BOD1L1: variants seen among roughly 807,000 people sequenced by gnomAD.
BOD1L1 encodes biorientation of chromosomes in cell division 1 like 1, also known as biorientation of chromosomes in cell division protein 1-like 1.
In BOD1L1, 86 loss-of-function variants were observed where a neutral mutation model predicts 240.7. The observed-to-expected ratio is 0.36, with a 90% CI of 0.30 to 0.43. The LOEUF (loss-of-function observed/expected upper bound fraction) is 0.43. BOD1L1 is among the 20% of genes least tolerant of loss of function. The pLI is 1.00. For missense variants in BOD1L1, 3,554 were observed against 3,643.5 expected (o/e 0.98, Z 0.63); for synonymous variants, 1,268 against 1,272.3 (o/e 1.00, Z 0.07).
In BOD1L1 at chr4:13,599,441, C is replaced by T. The variant is rs766209160; in HGVS notation, c.7459G>A (p.Ala2487Thr). Residue 2487 changes from alanine (A) to threonine (T), a missense_variant, in exon 10 of 26, where the codon GCA becomes ACA. Ala to Thr is a moderately conservative substitution (Grantham distance 58). Around this residue, in one of 2 missense-constraint regions of BOD1L1, gnomAD observed 3,393 missense variants for 3,427.1 expected, o/e 0.99. Coordinates refer to ENST00000040738, the MANE Select transcript of BOD1L1 (RefSeq NM_148894.3). ...ETGTAGGSSTASYSAGRGLEG... is the reference protein window; with the variant it reads ...ETGTAGGSSTTSYSAGRGLEG... ...AAGCCCCTTCCTGCTGAATAACTTG[C>T]TGTGCTACTGCCCCCTGCTGTCCCT... 5.0e-6 allele frequency: 8 copies of T among 1,613,902 alleles called. No individual in the cohort carries two copies. The African/African-American group carries it at 8.0e-5, about 16-fold the overall frequency.
chr4:13,580,532 C>T (rs948688859), intron 21 of BOD1L1, among the ~76,000 whole-genome samples: 3 of 152,082 alleles, frequency 2.0e-5, no homozygotes, highest in Admixed American at 6.6e-5. Flanking sequence ...GAAATGCATG[C>T]GATGGAATCC....
chr4:13,573,359 G>C (rs1295413223), intron 25 of BOD1L1, among the ~76,000 whole-genome samples: 2 of 152,116 alleles, frequency 1.3e-5, no homozygotes, highest in African/African-American at 4.8e-5. Flanking sequence ...AAATAAGGTA[G>C]AACAGTCCTC....
intron 21 of BOD1L1, among the ~76,000 whole-genome samples, chr4:13,580,353 C>G (rs765773627): frequency 6.6e-6 from 1 of 152,152 alleles, no homozygotes; most frequent in Non-Finnish European, 1.5e-5. Context: ...ACTTCACATT[C>G]AAGGAAACTG....
At chr4:13,620,823 C>T (rs1716983705) in intron 1 of BOD1L1, among the ~76,000 whole-genome samples, 1 of 152,088 alleles carries the variant, frequency 6.6e-6, no homozygotes, top group Non-Finnish European at 1.5e-5. Context: ...GGCATAGACC[C>T]AAGAGAAATT....
At position 13,613,652 on chromosome 4, in the gene BOD1L1, A is replaced by C. The variant is rs183527599; in HGVS notation, c.1184T>G (p.Leu395Trp). ...TVEGTKEDFSLIDSDVDGLTD... is the reference protein window; with the variant it reads ...TVEGTKEDFSWIDSDVDGLTD... ...AAGTCCATCCACATCAGAATCTATC[A>C]AAGAGAAATCTTCAAGCGGAAAATA... The change falls in exon 5 of 26, where the codon TTG (leucine) becomes TGG (tryptophan). Residue 395 changes from leucine (L) to tryptophan (W), a missense_variant. Transcript: ENST00000040738. This position sits in a 1 kb window ranked among gnomAD's most constrained non-coding sequence, Gnocchi z 4.0. The C allele has an allele frequency of 1.3e-6, 2 of 1,540,008 alleles. No homozygotes were observed. Among genetic ancestry groups the C allele is most frequent in the East Asian group, 2.3e-5 (1 of 43,978 alleles).
rs769220070 is a variant in BOD1L1 at position 13,610,950 on chromosome 4, T to C, written c.1475A>G (p.Gln492Arg). The change falls in exon 6 of 26, where the codon CAA (glutamine) becomes CGA (arginine). Residue 492 changes from glutamine to arginine, a missense_variant. Gln to Arg is a conservative substitution (Grantham distance 43). Around this residue, in one of 2 missense-constraint regions of BOD1L1, gnomAD observed 3,393 missense variants for 3,427.1 expected, o/e 0.99. Transcript: ENST00000040738. The stretch of plus-strand genomic sequence containing the variant: ...TGGACTTACAATGGACTGTCGTCGT[T>C]GTTCTACAGTAAGCTCATCATCAGA... ...SDSDDELTVE[Q>R]RRQSIAKEKE... The C allele has an allele frequency of 8.1e-6, 13 of 1,604,454 alleles. No individual in the cohort carries two copies. The highest frequency in any genetic ancestry group is 1.7e-4 in the Middle Eastern group (1 of 6,012).
chr4:13,599,672 C>T lies in BOD1L1; in HGVS notation c.7228G>A (p.Gly2410Arg), dbSNP rs756580766. Residue 2410 changes from glycine to arginine, a missense_variant, in exon 10 of 26, where the codon GGG becomes AGG. Around this residue, in one of 2 missense-constraint regions of BOD1L1, gnomAD observed 3,393 missense variants for 3,427.1 expected, o/e 0.99. Coordinates refer to ENST00000040738, the MANE Select transcript of BOD1L1 (RefSeq NM_148894.3). ...GCAGAGGGCTTGTGGACTGATGGCC[C>T]GTTGTGCCCCTCCTCGGTGCTCACT... is the stretch of plus-strand genomic sequence containing the variant. ...LAVSTEEGHN[G>R]PSVHKPSAGQ... The T allele has an allele frequency of 1.5e-5, 25 of 1,613,816 alleles. No individual in the cohort carries two copies. The highest frequency in any genetic ancestry group is 9.3e-5 in the African/African-American group (7 of 74,918).
Position 13,599,118 on chromosome 4 carries a change from C to G in BOD1L1, c.7782G>C (p.Leu2594=), listed in dbSNP as rs1714856663. Residue 2594 remains leucine, a synonymous_variant, in exon 10 of 26, where the codon CTG becomes CTC. Transcript: ENST00000040738. ...MIPPATYSVA[L]LAPKCEQDLT... is the part of the protein sequence containing the mutation. ...AGTCCTGCTCACATTTAGGAGCCAA[C>G]AGAGCTACACTGTAAGTAGCTGGAG... 6.2e-7 allele frequency: 1 copy of G among 1,613,828 alleles called. No homozygotes were observed. The highest frequency in any genetic ancestry group is 8.5e-7 in the Non-Finnish European group (1 of 1,179,864).
In BOD1L1 at chr4:13,602,226, C is replaced by T; in HGVS notation, c.4674G>A (p.Glu1558=). ...TTCCTATTATGAGGCCTTCATCTGC[C>T]TCAATGCTGGTGCAAGGCAAAGCCA... The part of the protein sequence containing the change: ...SEVALPCTSI[E]ADEGLIIGTH... The change falls in exon 10 of 26, where the codon GAG becomes GAA. Residue 1558 remains glutamate (E), a synonymous_variant. Transcript: ENST00000040738. 6.2e-7 allele frequency: 1 copy of T among 1,613,800 alleles called. No homozygotes were observed. The highest frequency in any genetic ancestry group is 1.1e-5 in the South Asian group (1 of 91,048).
chr4:13,570,015 C>A lies in BOD1L1; in HGVS notation c.9152G>T (p.Arg3051Leu). 6.3e-7 allele frequency: 1 copy of A among 1,597,660 alleles called. No individual in the cohort carries two copies. Among genetic ancestry groups the A allele is most frequent in the South Asian group, 1.1e-5 (1 of 88,372 alleles). ...VEEAPVKKAK[R>L] ...CTAGGGCAGCAGTGGTCAGGATTAT[C>A]GCTTCGCTTTTTTCACAGGGGCTTC... The change falls in exon 26 of 26, where the codon CGA becomes CTA. Residue 3051 changes from arginine (R) to leucine (L), a missense_variant. Transcript: ENST00000040738.
At chr4:13,584,584 G>A (rs1320182238) in intron 17 of BOD1L1, among the ~76,000 whole-genome samples, 1 of 151,970 alleles carries the variant, frequency 6.6e-6, no homozygotes, top group East Asian at 1.9e-4. Flanking sequence ...GGCTGAAGAT[G>A]TCCTGCACAA....
intron 25 of BOD1L1, 70 bp from the exon 26 acceptor site, chr4:13,570,198 T>TA (rs2108867691): frequency 2.6e-6 from 3 of 1,138,518 alleles, no homozygotes; most frequent in Non-Finnish European, 3.6e-6. Flanking sequence ...GGGAGTTCCT[T>TA]AAAAAACAGA....
intron 24 of BOD1L1, 89 bp downstream of exon 24, chr4:13,577,314 C>A: frequency 9.8e-7 from 1 of 1,020,090 alleles, no homozygotes. Context: ...TTAGCTGTAC[C>A]CATTGGATTT....
Position 13,604,769 on chromosome 4 carries a change from G to C in BOD1L1, c.2131C>G (p.Pro711Ala), listed in dbSNP as rs1278089489. 9 of 1,613,388 alleles carry C rather than the reference G, an allele frequency of 5.6e-6. No individual in the cohort carries two copies. Among genetic ancestry groups the C allele is most frequent in the Non-Finnish European group, 7.6e-6 (9 of 1,179,692 alleles). The change falls in exon 10 of 26, where the codon CCA (proline) becomes GCA (alanine). Residue 711 changes from proline to alanine, a missense_variant. By Grantham distance (27) the Pro-to-Ala change is conservative (BLOSUM62 -1). Transcript: ENST00000040738. ...KHLKKDDSET[P>A]HLKSLLKKEV... Reference sequence around the variant, plus strand: ...TTCTTAAGTAGGCTTTTCAAATGTGGTGTTTCAGAATCATCTTTCTTTAGA... The same window carrying C: ...TTCTTAAGTAGGCTTTTCAAATGTGCTGTTTCAGAATCATCTTTCTTTAGA...
chr4:13,609,226 A>G, intron 7 of BOD1L1, 69 bp downstream of exon 7: 1 of 858,042 alleles, frequency 1.2e-6, no homozygotes, highest in South Asian at 3.7e-5. Flanking sequence ...CTCATAAGTA[A>G]TATAAGAGTA....
rs140335847 is a variant in BOD1L1 at position 13,576,967 on chromosome 4, C to A, written c.8909G>T (p.Arg2970Leu). 21 of 1,613,738 alleles carry A rather than the reference C, an allele frequency of 1.3e-5. No homozygotes were observed. The highest frequency in any genetic ancestry group is 5.3e-5 in the African/African-American group (4 of 74,910). Residue 2970 changes from arginine (R) to leucine (L), a missense_variant, in exon 25 of 26, where the codon CGC (arginine) becomes CTC (leucine). This residue lies in a region of BOD1L1 where 3,393 missense variants were observed against 3,427.1 expected (regional missense o/e 0.99). Transcript: ENST00000040738. ...CACTGGATCAGAAACTGATTTCTGG[C>A]GTTTTCTTTCTGGCTCTGAGGATTC... ...DAESSEPERKRQKSVSDPVED... is the reference protein window; with the variant it reads ...DAESSEPERKLQKSVSDPVED...
chr4:13,611,893 AG>A (rs1716200157), intron 5 of BOD1L1, among the ~76,000 whole-genome samples: 1 of 152,204 alleles, frequency 6.6e-6, no homozygotes, highest in Non-Finnish European at 1.5e-5. Flanking sequence ...CACAGCAAGA[AG>A]AAAAAAAAAG....
chr4:13,587,615 TTC>T, intron 16 of BOD1L1, 82 bp downstream of exon 16: 1 of 1,025,938 alleles, frequency 9.7e-7, no homozygotes, highest in Non-Finnish European at 1.5e-6. Context: ...TCCTCAAAAA[TTC>T]TCTATGTTTT....
At chr4:13,620,817 T>C (rs528146900) in intron 1 of BOD1L1, among the ~76,000 whole-genome samples, 16 of 152,174 alleles carry the variant, frequency 1.1e-4, no homozygotes, top group Non-Finnish European at 2.2e-4. Flanking sequence ...GCTAATGGCA[T>C]AGACCCAAGA....
Sources: gnomAD v4.1 joint callset for allele counts (sites outside exome capture counted in the v4.1 genomes callset) on GRCh38, gnomAD v4.1.1 for gene constraint, gnomAD v4.1.1 regional missense constraint, Gnocchi (gnomAD v3.1) non-coding constraint, MANE v1.5 for transcripts, NCBI Gene and HGNC (gene_info 2026-07-23, HGNC 2026-07-21) for gene names.